Variants in CAPG observed in about 807,000 individuals in gnomAD.
CAPG encodes macrophage-capping protein.
CAPG carries 32 observed loss-of-function variants against 44.6 expected under a neutral mutation model. The ratio of observed to expected loss-of-function variants is 0.72; its 90% CI spans 0.54 to 0.96. The LOEUF is 0.96. CAPG is among the 50% of genes least tolerant of loss of function. The pLI is 0.00. For missense variants in CAPG, 412 were observed against 438.3 expected, an observed-to-expected ratio of 0.94 and a Z score of 0.54; for synonymous variants, 175 against 179.6, an observed-to-expected ratio of 0.97 and a Z score of 0.20.
chr2:85,405,772 C>T (rs1267385680), intron 1 of CAPG, among the ~76,000 whole-genome samples: 3 of 152,138 alleles, frequency 2.0e-5, no homozygotes, highest in Non-Finnish European at 2.9e-5. Flanking sequence ...GAAACTTTAA[C>T]GTTTCTCCAT....
upstream of CAPG, among the ~76,000 whole-genome samples, chr2:85,411,933 G>A (rs1687423355): frequency 6.6e-6 from 1 of 151,828 alleles, no homozygotes; most frequent in Non-Finnish European, 1.5e-5. Flanking sequence ...ATGGTCATGG[G>A]TGCCTGTAAT....
In CAPG at chr2:85,402,106, TG is replaced by T. The variant is rs1451087011; in HGVS notation, c.23+16del. 3.1e-6 allele frequency: 5 copies of T among 1,610,372 alleles called. No homozygotes were observed. Among genetic ancestry groups the T allele is most frequent in the Non-Finnish European group, 4.2e-6 (5 of 1,178,052 alleles). The stretch of plus-strand genomic sequence containing the variant: ...AAGAAGGGGAAGTTGTGAAAGGAGA[TG>T]GGGCATGCAGCTTACCTCTGGGGAA... On this transcript the variant is annotated intron_variant, in intron 2 of 9. Transcript: ENST00000263867.
At chr2:85,414,975 G>A (rs1687518800), upstream of CAPG, among the ~76,000 whole-genome samples, 1 of 152,214 alleles carries the variant, frequency 6.6e-6, no homozygotes. Context: ...ACAGTGGTAA[G>A]ATCCTTTTGT....
chr2:85,411,123 T>C (rs550093072), upstream of CAPG, among the ~76,000 whole-genome samples: 14 of 152,218 alleles, frequency 9.2e-5, no homozygotes, highest in Non-Finnish European at 1.8e-4. Context: ...CCCAAAGTGC[T>C]GGGATTACAG....
chr2:85,410,636 G>C (rs1687378901), upstream of CAPG: 1 of 152,634 alleles, frequency 6.6e-6, no homozygotes, highest in South Asian at 2.1e-4. Context: ...CACAGCCAAG[G>C]CAAATCAGGG....
intron 1 of CAPG, 27 bp from the exon 2 acceptor site, chr2:85,402,185 A>G: frequency 5.1e-6 from 8 of 1,572,122 alleles, no homozygotes; most frequent in Non-Finnish European, 6.9e-6. Flanking sequence ...AGCCATTATT[A>G]TTACAAATGC....
At position 85,401,244 on chromosome 2, in the gene CAPG, T is replaced by C; in HGVS notation, c.437A>G (p.Lys146Arg). The part of the protein sequence containing the change: ...IKKLYQVKGK[K>R]NIRATERALN... ...TGCCCGCTCGGTGGCACGGATGTTCTTCTTCCCCTTCACCTGGTAGAGTTT... is the reference window on the plus strand; with the variant it reads ...TGCCCGCTCGGTGGCACGGATGTTCCTCTTCCCCTTCACCTGGTAGAGTTT... The change falls in exon 5 of 10, where the codon AAG (lysine) becomes AGG (arginine). Residue 146 changes from lysine (K) to arginine (R), a missense_variant. By Grantham distance (26) the Lys-to-Arg change is conservative (BLOSUM62 2). Transcript: ENST00000263867. The C allele has an allele frequency of 6.2e-7, 1 of 1,614,190 alleles. No individual in the cohort carries two copies. Among genetic ancestry groups the C allele is most frequent in the Non-Finnish European group, 8.5e-7 (1 of 1,180,010 alleles).
intron 8 of CAPG, among the ~76,000 whole-genome samples, chr2:85,397,686 G>C (rs1417365394): frequency 1.5e-5 from 2 of 136,464 alleles, no homozygotes; most frequent in Non-Finnish European, 3.3e-5. Context: ...CTGGGTAACA[G>C]AGCAAGATTC....
In CAPG at chr2:85,401,573, A is replaced by G; in HGVS notation, c.307T>C (p.Ser103Pro). The G allele has an allele frequency of 6.2e-7, 1 of 1,613,972 alleles. No homozygotes were observed. The highest frequency in any genetic ancestry group is 8.5e-7 in the Non-Finnish European group (1 of 1,179,972). The change falls in exon 4 of 10, where the codon TCT becomes CCT. Residue 103 changes from serine to proline, a missense_variant. Physicochemically the swap from Ser to Pro is moderately conservative, Grantham distance 74. Transcript: ENST00000263867. ...GGGAAGTAGCTCATGAAGAGGTCAG[A>G]CTCATTGCCCTGCACCTCGCGGTGC... is the stretch of plus-strand genomic sequence containing the variant. ...VQHREVQGNESDLFMSYFPRG... is the reference protein window; with the variant it reads ...VQHREVQGNEPDLFMSYFPRG...
chr2:85,402,211 T>C lies in CAPG; in HGVS notation c.-13-53A>G, dbSNP rs1686937115. 10 of 1,481,712 alleles carry C rather than the reference T, an allele frequency of 6.7e-6. No individual in the cohort carries two copies. In the Admixed American group the frequency reaches 1.9e-4, roughly 29 times the overall value. The allele number at this position is 1,481,712 out of a possible 1,614,324, so 91.8% of individuals were successfully genotyped here. ...TTACAAATGCCACAAAAAGGACCTC[T>C]CACGTGGGGCTGGAGAGGCCCTTTC... is the stretch of plus-strand genomic sequence containing the variant. On this transcript the variant is annotated intron_variant, in intron 1 of 9. Coordinates refer to ENST00000263867, the MANE Select transcript of CAPG (RefSeq NM_001747.4).
downstream of CAPG, chr2:85,394,635 G>T (rs531322750): frequency 2.2e-5 from 12 of 538,852 alleles, 2 homozygotes; most frequent in South Asian, 2.4e-4. Flanking sequence ...GTCATGCAAA[G>T]CAGCTCTGGC....
At chr2:85,411,918 C>G (rs915314859), upstream of CAPG, among the ~76,000 whole-genome samples, 10 of 151,600 alleles carry the variant, frequency 6.6e-5, no homozygotes, top group African/African-American at 2.4e-4. Context: ...AAAAATTAGC[C>G]GGGCATGGTC....
Position 85,394,822 on chromosome 2 carries a change from C to T in CAPG, c.*71G>A, listed in dbSNP as rs111523274. The T allele has an allele frequency of 4.4e-3, 4,954 of 1,114,072 alleles. 27 individuals carry two copies. Among genetic ancestry groups the T allele is most frequent in the Middle Eastern group, 0.015 (77 of 5,162 alleles). The allele number at this position is 1,114,072 out of a possible 1,614,324, so 69.0% of individuals were successfully genotyped here. On this transcript the variant is annotated 3_prime_UTR_variant, in exon 10 of 10. Coordinates refer to ENST00000263867, the MANE Select transcript of CAPG (RefSeq NM_001747.4). ...TCTGCAGGGGGCACCTCTGCACTGA[C>T]CAGGCAGCCAGAGAAGCAAGCAGGC...
chr2:85,396,559 A>G (rs1165173080), intron 8 of CAPG, among the ~76,000 whole-genome samples: 1 of 151,970 alleles, frequency 6.6e-6, no homozygotes, highest in Non-Finnish European at 1.5e-5. Flanking sequence ...CCCCCTACCC[A>G]TGAGATCCTT....
At chr2:85,399,519 C>G (rs555187702) in intron 5 of CAPG, among the ~76,000 whole-genome samples, 1 of 152,316 alleles carries the variant, frequency 6.6e-6, no homozygotes, top group Admixed American at 6.5e-5. Context: ...GAGACAGGGT[C>G]TCACTCTGTC....
downstream of CAPG, among the ~76,000 whole-genome samples, chr2:85,394,329 G>T (rs1686486863): frequency 6.6e-6 from 1 of 152,270 alleles, no homozygotes; most frequent in Admixed American, 6.5e-5. Flanking sequence ...AGCCAAACAT[G>T]CTGGGCAATG....
intron 8 of CAPG, among the ~76,000 whole-genome samples, chr2:85,396,436 C>T (rs184620458): frequency 8.5e-4 from 129 of 152,126 alleles, no homozygotes; most frequent in Admixed American, 2.4e-3. Context: ...GAAATGATAC[C>T]GAAACGATGC....
intron 2 of CAPG, 57 bp from the exon 3 acceptor site, chr2:85,402,014 T>TG: frequency 6.2e-7 from 1 of 1,612,282 alleles, no homozygotes; most frequent in East Asian, 2.2e-5. Context: ...AGCACAGCCC[T>TG]GGGCAGGCCT....
At chr2:85,403,266 T>C (rs1686990372) in intron 1 of CAPG, among the ~76,000 whole-genome samples, 1 of 152,194 alleles carries the variant, frequency 6.6e-6, no homozygotes, top group Non-Finnish European at 1.5e-5. Context: ...GGCAAATTCC[T>C]TCAAAGACAC....
Sources: allele counts gnomAD v4.1 joint callset (sites outside exome capture counted in the v4.1 genomes callset), GRCh38; gene constraint gnomAD v4.1.1; transcripts MANE v1.5; gene names NCBI Gene and HGNC (gene_info 2026-07-23, HGNC 2026-07-21).